The following DCDC2C variants were observed in gnomAD, a reference collection of about 807,000 sequenced individuals.
DCDC2C encodes the protein doublecortin domain containing 2C.
In DCDC2C, 44 loss-of-function variants were observed where a neutral mutation model predicts 45.0. That is an observed-to-expected ratio of 0.98 (90% CI 0.77 to 1.26). The LOEUF is 1.26. Among genes scored for constraint, DCDC2C ranks in the 50% most tolerant of loss-of-function variants. The pLI is 0.00. For synonymous variants in DCDC2C, 187 were observed against 178.8 expected (o/e 1.05, Z -0.37); for missense variants, 447 against 468.9 (o/e 0.95, Z 0.43).
At chr2:3,728,095 G>A (rs1482476852) in intron 3 of DCDC2C, among the ~76,000 whole-genome samples, 1 of 152,126 alleles carries the variant, frequency 6.6e-6, no homozygotes, top group Non-Finnish European at 1.5e-5. Flanking sequence ...CCTTGTGTGA[G>A]CCAGAGTCAC....
At chr2:3,750,361 A>C (rs1669508633) in intron 4 of DCDC2C, among the ~76,000 whole-genome samples, 1 of 152,026 alleles carries the variant, frequency 6.6e-6, no homozygotes, top group African/African-American at 2.4e-5. Context: ...CCTTTACTTC[A>C]CGTCATTCTC....
intron 8 of DCDC2C, among the ~76,000 whole-genome samples, chr2:3,773,933 G>A (rs566386141): frequency 3.3e-4 from 51 of 152,354 alleles, no homozygotes; most frequent in Non-Finnish European, 5.7e-4. Flanking sequence ...TTTTTAGAGA[G>A]TCTCAAAGAG....
intron 5 of DCDC2C, 85 bp downstream of exon 5, chr2:3,752,985 C>A: frequency 7.3e-7 from 1 of 1,365,944 alleles, no homozygotes; most frequent in Non-Finnish European, 9.9e-7. Flanking sequence ...AGGTCCAGTT[C>A]AGCTATTGGT....
chr2:3,704,200 C>G (rs1667969308), intron 1 of DCDC2C, 162 bp downstream of exon 1: 2 of 637,592 alleles, frequency 3.1e-6, no homozygotes, highest in Non-Finnish European at 4.5e-6. Context: ...TCGGGCCGCC[C>G]CAGGCCACGT....
At position 3,799,020 on chromosome 2, in the gene DCDC2C, G is replaced by C. The variant is rs569677126; in HGVS notation, c.1065+13920G>C. 1.1e-3 allele frequency among the ~76,000 whole-genome samples: 168 copies of C among 151,654 alleles called. 2 individuals are homozygous for C. Among genetic ancestry groups the C allele is most frequent in the African/African-American group, 3.8e-3 (158 of 41,334 alleles). On this transcript the variant is annotated intron_variant, in intron 10 of 10. Coordinates refer to ENST00000399143, the MANE Select transcript of DCDC2C (RefSeq NM_001287444.2). ...CTTTCAGGTATACCAATCAGATGTAGATTTGGTCTTTTCACATAGTCGCAT... is the reference window on the plus strand; with the variant it reads ...CTTTCAGGTATACCAATCAGATGTACATTTGGTCTTTTCACATAGTCGCAT...
At chr2:3,718,243 T>C (rs989543324) in intron 2 of DCDC2C, among the ~76,000 whole-genome samples, 1 of 152,180 alleles carries the variant, frequency 6.6e-6, no homozygotes, top group African/African-American at 2.4e-5. Flanking sequence ...TAGGGGCAGG[T>C]ATTCTCCTCT....
intron 4 of DCDC2C, among the ~76,000 whole-genome samples, chr2:3,742,583 C>T (rs947073571): frequency 6.6e-6 from 1 of 152,190 alleles, no homozygotes; most frequent in East Asian, 1.9e-4. Context: ...ACCTTGGGCA[C>T]ATTCCTAACT....
At position 3,703,744 on chromosome 2, in the gene DCDC2C, G is replaced by C; in HGVS notation, c.-8G>C. 2.4e-6 allele frequency: 3 copies of C among 1,230,454 alleles called. No individual in the cohort carries two copies. Among genetic ancestry groups the C allele is most frequent in the Non-Finnish European group, 3.0e-6 (3 of 986,544 alleles). The allele number at this position is 1,230,454 out of a possible 1,614,324, so 76.2% of individuals were successfully genotyped here. A position where few individuals can be genotyped will look rare whatever the true frequency, so the allele number is the denominator to read the frequency against. On this transcript the variant is annotated 5_prime_UTR_variant, in exon 1 of 11. Transcript: ENST00000399143. This position sits in a 1 kb window ranked among gnomAD's most constrained non-coding sequence, Gnocchi z 4.4. Reference sequence around the variant, plus strand: ...TCGGCCCCGGCGAGCGAGGAGCGGGGCGCGGCTATGGGAACCCGCGGGCCC... The same window carrying C: ...TCGGCCCCGGCGAGCGAGGAGCGGGCCGCGGCTATGGGAACCCGCGGGCCC...
At chr2:3,786,446 C>T (rs1406078682) in intron 10 of DCDC2C, among the ~76,000 whole-genome samples, 1 of 9,194 alleles carries the variant, frequency 1.1e-4, no homozygotes, top group African/African-American at 6.5e-4. Context: ...ACGGAGCCTC[C>T]GGTGCGGGTG....
chr2:3,824,590 C>T (rs1671772304), intron 10 of DCDC2C, among the ~76,000 whole-genome samples: 1 of 152,170 alleles, frequency 6.6e-6, no homozygotes, highest in South Asian at 2.1e-4. Context: ...TGGCTACCTT[C>T]AGTGCACCAC....
At chr2:3,704,369 TG>T (rs1479265589) in intron 1 of DCDC2C, among the ~76,000 whole-genome samples, 5 of 63,382 alleles carry the variant, frequency 7.9e-5, no homozygotes, top group Non-Finnish European at 1.6e-4. Context: ...GAGGAGGGCG[TG>T]GGGGAGGGGT....
At position 3,741,915 on chromosome 2, in the gene DCDC2C, T is replaced by A; in HGVS notation, c.417-5T>A. 6.5e-7 allele frequency: 1 copy of A among 1,543,302 alleles called. No homozygotes were observed. Among genetic ancestry groups the A allele is most frequent in the Non-Finnish European group, 8.7e-7 (1 of 1,144,564 alleles). On this transcript the variant is annotated splice_polypyrimidine_tract_variant and splice_region_variant and intron_variant, in intron 3 of 10. Coordinates refer to ENST00000399143, the MANE Select transcript of DCDC2C (RefSeq NM_001287444.2). ...TAATGGATGCTTTTCTTTTTATTCT[T>A]ACAGTGTTTTTACAAATGGAAGATT... is the stretch of plus-strand genomic sequence containing the variant.
chr2:3,760,726 C>T (rs1666645308), intron 6 of DCDC2C, among the ~76,000 whole-genome samples: 2 of 152,080 alleles, frequency 1.3e-5, no homozygotes, highest in Admixed American at 1.3e-4. Flanking sequence ...ATACCTAATG[C>T]ATGCGGGGCT....
At chr2:3,822,559 T>C (rs78737864) in intron 10 of DCDC2C, among the ~76,000 whole-genome samples, 342 of 144,932 alleles carry the variant, frequency 2.4e-3, no homozygotes, top group Middle Eastern at 0.017. Flanking sequence ...TTTTTTTTTT[T>C]CCAAAAATCT....
chr2:3,728,477 C>T (rs986238156), intron 3 of DCDC2C, among the ~76,000 whole-genome samples: 13 of 152,188 alleles, frequency 8.5e-5, no homozygotes, highest in African/African-American at 2.9e-4. Context: ...TTGACAAAAA[C>T]GCCATCCTTA....
At chr2:3,781,626 A>G (rs774907628) in intron 9 of DCDC2C, among the ~76,000 whole-genome samples, 2 of 152,200 alleles carry the variant, frequency 1.3e-5, no homozygotes, top group Non-Finnish European at 2.9e-5. Flanking sequence ...TTGGGCGGCT[A>G]ATGCAGGAGG....
intron 6 of DCDC2C, among the ~76,000 whole-genome samples, chr2:3,758,009 G>A (rs552401971): frequency 6.6e-6 from 1 of 152,312 alleles, no homozygotes; most frequent in African/African-American, 2.4e-5. Context: ...TATTTGCAGG[G>A]ATCCAGATTT....
At chr2:3,713,534 C>G (rs1422927992) in intron 2 of DCDC2C, among the ~76,000 whole-genome samples, 2 of 152,182 alleles carry the variant, frequency 1.3e-5, no homozygotes, top group African/African-American at 2.4e-5. Flanking sequence ...CCTAAAAGCT[C>G]CTGGAGACCT....
chr2:3,791,077 C>A (rs1670797526), intron 10 of DCDC2C, among the ~76,000 whole-genome samples: 1 of 152,028 alleles, frequency 6.6e-6, no homozygotes, highest in Admixed American at 6.6e-5. Context: ...CCACTGCACT[C>A]CAGCCTGGGC....
Sources: allele counts gnomAD v4.1 joint callset (sites outside exome capture counted in the v4.1 genomes callset), GRCh38; gene constraint gnomAD v4.1.1; non-coding constraint Gnocchi (gnomAD v3.1); transcripts MANE v1.5; gene names NCBI Gene and HGNC (gene_info 2026-07-23, HGNC 2026-07-21).